Variants in SLC39A11 observed in about 807,000 individuals in gnomAD.
SLC39A11 encodes solute carrier family 39 member 11.
Under a neutral mutation model 36.1 loss-of-function variants are expected in SLC39A11, and 33 were observed. The observed-to-expected ratio is 0.91, with a 90% CI of 0.69 to 1.22. The LOEUF is 1.22. Among genes scored for constraint, SLC39A11 ranks in the 50% most tolerant of loss-of-function variants. The pLI, the probability that SLC39A11 is intolerant of heterozygous loss-of-function variation, is 0.00. For missense variants in SLC39A11, 432 were observed against 430.3 expected, an observed-to-expected ratio of 1.00 and a Z score of -0.03; for synonymous variants, 166 against 170.3, an observed-to-expected ratio of 0.97 and a Z score of 0.20.
chr17:72,993,310 T>A (rs952900361), intron 4 of SLC39A11, among the ~76,000 whole-genome samples: 2 of 152,224 alleles, frequency 1.3e-5, no homozygotes, highest in Non-Finnish European at 2.9e-5. Flanking sequence ...TGGGAGCGTT[T>A]TATGTAAATT....
At chr17:72,879,988 C>G (rs1211690699) in intron 5 of SLC39A11, among the ~76,000 whole-genome samples, 1 of 152,186 alleles carries the variant, frequency 6.6e-6, no homozygotes, top group Admixed American at 6.5e-5. Context: ...CCTTAAAAAC[C>G]CCATCCTCAA....
At chr17:72,710,139 C>A (rs138567675) in intron 7 of SLC39A11, among the ~76,000 whole-genome samples, 39 of 152,284 alleles carry the variant, frequency 2.6e-4, no homozygotes, top group African/African-American at 9.4e-4. Flanking sequence ...TATCATTTTT[C>A]TTTCATACAG....
intron 5 of SLC39A11, among the ~76,000 whole-genome samples, chr17:72,890,236 G>A (rs1296926898): frequency 2.0e-5 from 3 of 151,348 alleles, no homozygotes; most frequent in African/African-American, 7.3e-5. Context: ...CTGCACTCCA[G>A]CTTGGGTGAC....
intron 9 of SLC39A11, 108 bp downstream of exon 9, chr17:72,648,695 G>T (rs953145356): frequency 8.2e-6 from 11 of 1,337,408 alleles, no homozygotes; most frequent in East Asian, 2.5e-5. Flanking sequence ...GGGCAGAGAG[G>T]GGGAGGGAAT....
At chr17:73,004,214 A>G (rs1284029110) in intron 4 of SLC39A11, among the ~76,000 whole-genome samples, 4 of 129,876 alleles carry the variant, frequency 3.1e-5, no homozygotes, top group Non-Finnish European at 6.7e-5. Context: ...AAAGAAAGAA[A>G]GAAAGAAAGA....
At chr17:72,986,469 C>T (rs2088767481) in intron 4 of SLC39A11, among the ~76,000 whole-genome samples, 1 of 152,214 alleles carries the variant, frequency 6.6e-6, no homozygotes, top group African/African-American at 2.4e-5. Flanking sequence ...GACGCGCCAC[C>T]TGCCAGGCAC....
chr17:72,736,941 G>T (rs924499371), intron 6 of SLC39A11, among the ~76,000 whole-genome samples: 2 of 152,116 alleles, frequency 1.3e-5, no homozygotes, highest in African/African-American at 4.8e-5. Context: ...TATTTTTTAA[G>T]TAATTGAAAA....
intron 3 of SLC39A11, among the ~76,000 whole-genome samples, chr17:73,073,318 C>T (rs1288140798): frequency 6.6e-6 from 1 of 152,218 alleles, no homozygotes; most frequent in Non-Finnish European, 1.5e-5. Context: ...GCAGTGGGTG[C>T]CCCATAGCAC....
Position 72,699,353 on chromosome 17 carries a change from C to G in SLC39A11, c.671+37297G>C, listed in dbSNP as rs535904939. Among the ~76,000 whole-genome samples the G allele has an allele frequency of 1.1e-3, 170 of 152,312 alleles. 1 individual carries two copies. Among genetic ancestry groups the G allele is most frequent in the Non-Finnish European group, 1.9e-3 (129 of 68,024 alleles). Reference sequence around the variant, plus strand: ...TGTGTTAGGCTGCATTCAAAGCCATCCTGGGCTGCATGTGACCTGTGGGCC... The same window carrying G: ...TGTGTTAGGCTGCATTCAAAGCCATGCTGGGCTGCATGTGACCTGTGGGCC... On this transcript the variant is annotated intron_variant, in intron 7 of 9. Transcript: ENST00000255559.
At chr17:72,922,608 C>A (rs1036775329) in intron 5 of SLC39A11, among the ~76,000 whole-genome samples, 6 of 152,128 alleles carry the variant, frequency 3.9e-5, no homozygotes, top group African/African-American at 1.4e-4. Context: ...CCCTAAGGAG[C>A]TTTTAAGGAG....
At chr17:72,653,466 T>A (rs2069959627) in intron 7 of SLC39A11, among the ~76,000 whole-genome samples, 1 of 147,080 alleles carries the variant, frequency 6.8e-6, no homozygotes, top group Non-Finnish European at 1.5e-5. Context: ...AGAAGGAGTC[T>A]CGCTCTGTCA....
At chr17:73,027,035 T>C (rs967371909) in intron 4 of SLC39A11, among the ~76,000 whole-genome samples, 1 of 151,906 alleles carries the variant, frequency 6.6e-6, no homozygotes, top group Admixed American at 6.6e-5. Flanking sequence ...GGTGGGAGGA[T>C]CACTGGATCC....
intron 6 of SLC39A11, among the ~76,000 whole-genome samples, chr17:72,768,749 T>C (rs941696106): frequency 6.6e-6 from 1 of 151,890 alleles, no homozygotes; most frequent in Non-Finnish European, 1.5e-5. Context: ...TATTTATTTA[T>C]TTTGATTATT....
chr17:72,780,525 GGC>G (rs367787092), intron 6 of SLC39A11, among the ~76,000 whole-genome samples: 1,865 of 123,050 alleles, frequency 0.015, 109 homozygotes, highest in African/African-American at 0.061. Flanking sequence ...GAAGATGGGG[GGC>G]GGGTGGGGGC....
chr17:72,776,435 A>G (rs1479767071), intron 6 of SLC39A11, among the ~76,000 whole-genome samples: 1 of 152,142 alleles, frequency 6.6e-6, no homozygotes, highest in African/African-American at 2.4e-5. Flanking sequence ...ACTTTATATT[A>G]TTATACTTAT....
chr17:73,051,629 G>A (rs548090794), intron 3 of SLC39A11, among the ~76,000 whole-genome samples: 6 of 150,304 alleles, frequency 4.0e-5, no homozygotes, highest in African/African-American at 9.8e-5. Context: ...AGGCCGAGGC[G>A]GGCGGATCAC....
At chr17:72,713,821 C>G (rs950996619) in intron 7 of SLC39A11, among the ~76,000 whole-genome samples, 3 of 152,166 alleles carry the variant, frequency 2.0e-5, no homozygotes, top group Non-Finnish European at 4.4e-5. Context: ...CAGGGCTGTG[C>G]TAGATGCTTT....
chr17:72,777,864 T>C (rs2076185673), intron 6 of SLC39A11, among the ~76,000 whole-genome samples: 1 of 141,466 alleles, frequency 7.1e-6, no homozygotes, highest in Admixed American at 7.2e-5. Flanking sequence ...TATGTATGTA[T>C]GTATATATGT....
intron 6 of SLC39A11, among the ~76,000 whole-genome samples, chr17:72,773,663 A>ACACACG (rs1266727850): frequency 6.6e-6 from 1 of 150,932 alleles, no homozygotes; most frequent in Admixed American, 6.6e-5. Context: ...ACACACACAC[A>ACACACG]CACACACACA....
Sources: allele counts gnomAD v4.1 joint callset (sites outside exome capture counted in the v4.1 genomes callset), GRCh38; gene constraint gnomAD v4.1.1; transcripts MANE v1.5; gene names NCBI Gene and HGNC (gene_info 2026-07-23, HGNC 2026-07-21).